PCGF5: variants seen among roughly 807,000 people sequenced by gnomAD.
The protein encoded by PCGF5 is polycomb group RING finger protein 5.
Under a neutral mutation model 44.3 loss-of-function variants are expected in PCGF5, and 9 were observed. The observed-to-expected ratio is 0.20, with a 90% CI of 0.12 to 0.35. The LOEUF (loss-of-function observed/expected upper bound fraction) is 0.35, where lower values mean the gene tolerates loss of function less well. Ranked by LOEUF, PCGF5 falls within the 10% of genes least tolerant of loss-of-function variation. PCGF5 has a pLI of 1.00. For synonymous variants in PCGF5, 95 were observed against 102.5 expected (o/e 0.93, Z 0.44); for missense variants, 146 against 305.3 (o/e 0.48, Z 3.89).
intron 2 of PCGF5, among the ~76,000 whole-genome samples, chr10:91,235,180 G>A (rs1343358684): frequency 1.3e-5 from 2 of 152,144 alleles, no homozygotes; most frequent in Non-Finnish European, 2.9e-5. Flanking sequence ...TAGTCCTGGT[G>A]CGAATCTCCT....
chr10:91,197,072 G>A, intron 1 of PCGF5, among the ~76,000 whole-genome samples: 1 of 152,168 alleles, frequency 6.6e-6, no homozygotes, highest in East Asian at 1.9e-4. Flanking sequence ...GCCAGTTAAT[G>A]GCATGTCCTG....
In PCGF5 at chr10:91,192,558, A is replaced by C. The variant is rs78408685; in HGVS notation, c.-184+29477A>C. The stretch of plus-strand genomic sequence containing the variant: ...AATAACCCCATGGAAAGATAAGTTC[A>C]TTTATTTATTCAAGAAATACCTATT... On this transcript the variant is annotated intron_variant, in intron 1 of 9. Transcript: ENST00000614189. Among the ~76,000 whole-genome samples the C allele has an allele frequency of 8.1e-4, 123 of 152,358 alleles. 4 individuals are homozygous for C. In the East Asian group the frequency reaches 0.022, roughly 28 times the overall value.
At chr10:91,238,614 T>C (rs1391486544) in intron 2 of PCGF5, among the ~76,000 whole-genome samples, 6 of 133,366 alleles carry the variant, frequency 4.5e-5, no homozygotes, top group African/African-American at 1.4e-4. Context: ...TTTTTTTTTT[T>C]TTTTTTTTTT....
chr10:91,222,578 A>G (rs530059278), intron 1 of PCGF5, 111 bp from the exon 2 acceptor site: 13 of 466,076 alleles, frequency 2.8e-5, no homozygotes, highest in Admixed American at 1.5e-4. Context: ...CTATTCACCT[A>G]TTCACCCAAT....
At chr10:91,272,432 G>T (rs551940105) in intron 9 of PCGF5, among the ~76,000 whole-genome samples, 27 of 152,112 alleles carry the variant, frequency 1.8e-4, no homozygotes, top group Non-Finnish European at 2.5e-4. Flanking sequence ...ATTGCTTGAG[G>T]CCAGGAGTTT....
intron 2 of PCGF5, among the ~76,000 whole-genome samples, chr10:91,235,544 A>G (rs1845135934): frequency 6.6e-6 from 1 of 151,716 alleles, no homozygotes; most frequent in African/African-American, 2.4e-5. Context: ...TCTCTACAAA[A>G]ATTTTAAAAA....
At chr10:91,277,755 TA>T (rs1167982256) in intron 9 of PCGF5, among the ~76,000 whole-genome samples, 2 of 152,204 alleles carry the variant, frequency 1.3e-5, no homozygotes, top group Non-Finnish European at 2.9e-5. Flanking sequence ...ATTTTAAATT[TA>T]AAAAATGTTT....
At chr10:91,264,135 CAG>C (rs542140203) in intron 7 of PCGF5, among the ~76,000 whole-genome samples, 4 of 152,026 alleles carry the variant, frequency 2.6e-5, no homozygotes, top group Non-Finnish European at 4.4e-5. Context: ...AGAGACATGA[CAG>C]AGATTTGGAC....
rs555985416 is a variant in PCGF5, at chr10:91,195,697, A to G, written c.-183-26992A>G. Reference sequence around the variant, plus strand: ...AGCAATCCTCCTGCTTTGGCCTCCCAGTGTTGGGATTACAGGCATGAGCCA... The same window carrying G: ...AGCAATCCTCCTGCTTTGGCCTCCCGGTGTTGGGATTACAGGCATGAGCCA... On this transcript the variant is annotated intron_variant, in intron 1 of 9. Coordinates refer to the PCGF5 transcript ENST00000614189. Among the ~76,000 whole-genome samples, 12 of 151,856 alleles carry G rather than the reference A, an allele frequency of 7.9e-5. No homozygotes were observed. In the South Asian group the frequency reaches 1.9e-3, roughly 24 times the overall value.
At chr10:91,247,782 G>A (rs1186625391) in intron 3 of PCGF5, among the ~76,000 whole-genome samples, 1 of 152,216 alleles carries the variant, frequency 6.6e-6, no homozygotes, top group Non-Finnish European at 1.5e-5. Context: ...TTAGAGGAAA[G>A]AGCCAGAGCT....
rs748170501 is a variant in PCGF5 at position 91,264,520 on chromosome 10, C to T, written c.663C>T (p.Asn221=). ...YMTRWRLRGE[N]FRCLNCSASQ... ...CAAGATGGCGACTAAGAGGCGAAAACGTAAATTGCTTTTATATTTACCTAT... is the reference window on the plus strand; with the variant it reads ...CAAGATGGCGACTAAGAGGCGAAAATGTAAATTGCTTTTATATTTACCTAT... The change falls in exon 8 of 10, where the codon AAC becomes AAT. Residue 221 remains asparagine, a splice_region_variant and synonymous_variant. Coordinates refer to ENST00000336126, the MANE Select transcript of PCGF5 (RefSeq NM_032373.5). The T allele has an allele frequency of 2.0e-5, 32 of 1,602,400 alleles. No individual in the cohort carries two copies. Among genetic ancestry groups the T allele is most frequent in the Middle Eastern group, 1.7e-4 (1 of 6,020 alleles).
At chr10:91,227,101 C>T (rs1844861262) in intron 2 of PCGF5, among the ~76,000 whole-genome samples, 1 of 152,074 alleles carries the variant, frequency 6.6e-6, no homozygotes, top group African/African-American at 2.4e-5. Flanking sequence ...ATTATTTAAA[C>T]TAAGTAATTA....
rs1271607743 is a variant in PCGF5 at position 91,240,929 on chromosome 10, C to A, written c.209+349C>A. On this transcript the variant is annotated intron_variant, in intron 3 of 9. Coordinates refer to ENST00000336126, the MANE Select transcript of PCGF5 (RefSeq NM_032373.5). ...ACTCATAGAAAGACTAATATTAGGACTGTTAATTTTTTAATTTACCATATA... is the reference window on the plus strand; with the variant it reads ...ACTCATAGAAAGACTAATATTAGGAATGTTAATTTTTTAATTTACCATATA... Among the ~76,000 whole-genome samples the A allele has an allele frequency of 2.6e-5, 4 of 151,272 alleles. No homozygotes were observed. The East Asian group carries it at 7.7e-4, about 29-fold the overall frequency.
chr10:91,183,190 G>A (rs1347965583), intron 1 of PCGF5, among the ~76,000 whole-genome samples: 1 of 151,958 alleles, frequency 6.6e-6, no homozygotes, highest in African/African-American at 2.4e-5. Context: ...TTGTCAGTGG[G>A]GTGTTAAAGT....
chr10:91,275,344 A>G (rs574541211), intron 9 of PCGF5, among the ~76,000 whole-genome samples: 1 of 152,272 alleles, frequency 6.6e-6, no homozygotes, highest in Admixed American at 6.5e-5. Context: ...TAAATTGCCA[A>G]ATTAAGAGGT....
chr10:91,173,578 C>CTTCTTTTTT (rs1843650630), intron 1 of PCGF5, among the ~76,000 whole-genome samples: 1 of 115,628 alleles, frequency 8.6e-6, no homozygotes, highest in Non-Finnish European at 1.7e-5. Flanking sequence ...AGGGAGTTGG[C>CTTCTTTTTT]TTTTTTTTTT....
In PCGF5 at chr10:91,278,561, A is replaced by G. The variant is rs996911311; in HGVS notation, c.*245A>G. On this transcript the variant is annotated 3_prime_UTR_variant, in exon 10 of 10. Coordinates refer to ENST00000336126, the MANE Select transcript of PCGF5 (RefSeq NM_032373.5). Reference sequence around the variant, plus strand: ...TGTGTTGTCTCAAAGTGTGCAAGTCATGGTAAAAATCAGTTAGCTGTGCCG... The same window carrying G: ...TGTGTTGTCTCAAAGTGTGCAAGTCGTGGTAAAAATCAGTTAGCTGTGCCG... 22 of 442,846 alleles carry G rather than the reference A, an allele frequency of 5.0e-5. No individual in the cohort carries two copies. The highest frequency in any genetic ancestry group is 8.5e-5 in the Non-Finnish European group (21 of 248,272). The allele number at this position is 442,846 out of a possible 1,614,324, so 27.4% of individuals were successfully genotyped here. A position where few individuals can be genotyped will look rare whatever the true frequency, so the allele number is the denominator to read the frequency against.
rs539986481 is a variant in PCGF5, at chr10:91,175,603, T to C, written c.-184+12522T>C. Among the ~76,000 whole-genome samples, 4 of 152,198 alleles carry C rather than the reference T, an allele frequency of 2.6e-5. No homozygotes were observed. The East Asian group carries it at 5.8e-4, about 22-fold the overall frequency. On this transcript the variant is annotated intron_variant, in intron 1 of 9. Transcript: ENST00000614189. ...TGCTTTGTTCTTAAATGTAAATGAA[T>C]AGGAGACATTGGAAGAAGGCCTTCA...
At chr10:91,273,664 A>G (rs1314590359) in intron 9 of PCGF5, among the ~76,000 whole-genome samples, 1 of 152,092 alleles carries the variant, frequency 6.6e-6, no homozygotes, top group East Asian at 1.9e-4. Flanking sequence ...TCTATTGTTA[A>G]TCATTAGAAA....
Sources: allele counts gnomAD v4.1 joint callset (sites outside exome capture counted in the v4.1 genomes callset), GRCh38; gene constraint gnomAD v4.1.1; transcripts MANE v1.5; gene names NCBI Gene and HGNC (gene_info 2026-07-23, HGNC 2026-07-21).